Variants in RFX4 observed in about 807,000 individuals in gnomAD.
RFX4 encodes the protein transcription factor RFX4.
In RFX4, 10 loss-of-function variants were observed where a neutral mutation model predicts 95.0. The ratio of observed to expected loss-of-function variants is 0.11; its 90% CI spans 0.06 to 0.18. RFX4 has a LOEUF of 0.18. RFX4 is among the 10% of genes least tolerant of loss of function. The probability of loss-of-function intolerance (pLI) is 1.00; values close to 1 mark genes in which losing one functional copy is unlikely to be tolerated. For synonymous variants in RFX4, 321 were observed against 340.7 expected, an observed-to-expected ratio of 0.94 and a Z score of 0.64; for missense variants, 640 against 922.0, an observed-to-expected ratio of 0.69 and a Z score of 3.96.
chr12:106,642,017 A>ATCTATG, intron 3 of RFX4, among the ~76,000 whole-genome samples: 1 of 144,652 alleles, frequency 6.9e-6, no homozygotes. Context: ...CTATATCTAT[A>ATCTATG]TCTATTTTTT....
rs368972232 is a variant in RFX4, at chr12:106,592,512, T to C, written c.43+9149T>C. Among the ~76,000 whole-genome samples, 7 of 152,276 alleles carry C rather than the reference T, an allele frequency of 4.6e-5. No homozygotes were observed. The East Asian group carries it at 7.7e-4, about 17-fold the overall frequency. On this transcript the variant is annotated intron_variant, in intron 1 of 17. Transcript: ENST00000392842. ...ATCTGTGGTGTACTCAGAGACGACG[T>C]ATGTTGCACAACCCTGATCGAGGCC...
intron 3 of RFX4, among the ~76,000 whole-genome samples, chr12:106,641,951 C>CTA (rs1200996681): frequency 1.4e-5 from 2 of 144,674 alleles, no homozygotes; most frequent in Admixed American, 1.4e-4. Context: ...ATGTCTATAT[C>CTA]TATCTATATC....
chr12:106,657,311 C>G (rs2040979507), intron 4 of RFX4, among the ~76,000 whole-genome samples: 1 of 152,192 alleles, frequency 6.6e-6, no homozygotes, highest in Non-Finnish European at 1.5e-5. Flanking sequence ...GTAGTAGTCT[C>G]TACCCAGTTT....
At chr12:106,737,148 G>C (rs2042722759) in intron 15 of RFX4, among the ~76,000 whole-genome samples, 1 of 118,006 alleles carries the variant, frequency 8.5e-6, no homozygotes. Flanking sequence ...TTCCAGAATA[G>C]ACTCGGAACT....
At chr12:106,729,322 T>C (rs2042565300) in intron 13 of RFX4, among the ~76,000 whole-genome samples, 1 of 152,246 alleles carries the variant, frequency 6.6e-6, no homozygotes, top group African/African-American at 2.4e-5. Flanking sequence ...TTGACTTGTT[T>C]GACTCTATGA....
chr12:106,640,966 A>G (rs1006823955), intron 3 of RFX4, among the ~76,000 whole-genome samples: 3 of 151,946 alleles, frequency 2.0e-5, no homozygotes, highest in Non-Finnish European at 4.4e-5. Flanking sequence ...CTTTTTGTAG[A>G]GACAGGGTTT....
chr12:106,621,030 G>C (rs147198915), intron 2 of RFX4, among the ~76,000 whole-genome samples: 3 of 151,968 alleles, frequency 2.0e-5, no homozygotes, highest in Non-Finnish European at 2.9e-5. Flanking sequence ...AAAAATCACC[G>C]TTATTCTGTT....
At chr12:106,759,933 T>C (rs2043180176) in intron 17 of RFX4, among the ~76,000 whole-genome samples, 1 of 152,120 alleles carries the variant, frequency 6.6e-6, no homozygotes, top group Non-Finnish European at 1.5e-5. Context: ...CTAAGCGCCT[T>C]CCCCAGCTCC....
intron 1 of RFX4, among the ~76,000 whole-genome samples, chr12:106,583,903 G>T (rs2039412994): frequency 6.6e-6 from 1 of 152,226 alleles, no homozygotes; most frequent in Non-Finnish European, 1.5e-5. Context: ...TGGCGGCGGC[G>T]AACCCGGTGG....
At chr12:106,747,627 G>A in intron 16 of RFX4, 28 bp downstream of exon 16, 1 of 1,607,512 alleles carries the variant, frequency 6.2e-7, no homozygotes, top group South Asian at 1.1e-5. Context: ...GATGCTGCTG[G>A]ACTTTTAAAA....
intron 4 of RFX4, chr12:106,681,178 C>G (rs2041500738): frequency 6.6e-6 from 1 of 152,214 alleles, no homozygotes; most frequent in South Asian, 2.1e-4. Flanking sequence ...AAAAAAGATA[C>G]CCCTAGGCTT....
chr12:106,745,235 A>G (rs1457571571), intron 15 of RFX4, among the ~76,000 whole-genome samples: 1 of 152,054 alleles, frequency 6.6e-6, no homozygotes, highest in Non-Finnish European at 1.5e-5. Flanking sequence ...GGATTTAACC[A>G]TCAGTTTCCT....
intron 8 of RFX4, among the ~76,000 whole-genome samples, chr12:106,699,299 T>G (rs889332230): frequency 2.6e-5 from 4 of 152,186 alleles, no homozygotes; most frequent in African/African-American, 7.2e-5. Context: ...TTCTTTTAAG[T>G]TGATACTTGT....
At chr12:106,696,838 C>T (rs10778503) in intron 8 of RFX4, among the ~76,000 whole-genome samples, 55,767 of 152,002 alleles carry the variant, frequency 0.37, 10,419 homozygotes, top group African/African-American at 0.43. Context: ...ATACACTATA[C>T]CCTGTTCTGT....
At chr12:106,633,517 C>T (rs778308148) in intron 2 of RFX4, among the ~76,000 whole-genome samples, 8 of 152,192 alleles carry the variant, frequency 5.3e-5, no homozygotes, top group Admixed American at 3.3e-4. Context: ...TTTTTAAAAA[C>T]TGTATCTAGT....
At chr12:106,681,415 G>A (rs891337180) in intron 4 of RFX4, among the ~76,000 whole-genome samples, 19 of 152,202 alleles carry the variant, frequency 1.2e-4, no homozygotes, top group Admixed American at 5.2e-4. Context: ...AAGGCCTCTG[G>A]GCAGAAGGAC....
chr12:106,639,211 GT>G (rs1435047371), intron 2 of RFX4, 120 bp from the exon 3 acceptor site: 1 of 777,358 alleles, frequency 1.3e-6, no homozygotes, highest in African/African-American at 1.8e-5. Flanking sequence ...CCAAAATATT[GT>G]TTCAAAGCAT....
In RFX4 at chr12:106,601,334, C is replaced by T. The variant is rs752551451; in HGVS notation, c.44-7463C>T. 3.2e-5 allele frequency: 50 copies of T among 1,585,132 alleles called. 2 individuals are homozygous for T. The South Asian group carries it at 4.0e-4, about 13-fold the overall frequency. On this transcript the variant is annotated intron_variant, in intron 1 of 17. Transcript: ENST00000392842. Reference sequence around the variant, plus strand: ...AGGCGACAGGACCAGGCCTCGACGGCGCCGTTCCACTGGTAATGACCAGGG... The same window carrying T: ...AGGCGACAGGACCAGGCCTCGACGGTGCCGTTCCACTGGTAATGACCAGGG...
intron 10 of RFX4, chr12:106,714,907 G>A (rs2137511514): frequency 6.5e-6 from 1 of 152,702 alleles, no homozygotes; most frequent in East Asian, 1.9e-4. Flanking sequence ...AGCATAAACT[G>A]CTTCAGAATG....
Sources: allele counts gnomAD v4.1 joint callset (sites outside exome capture counted in the v4.1 genomes callset), GRCh38; gene constraint gnomAD v4.1.1; transcripts MANE v1.5; gene names NCBI Gene and HGNC (gene_info 2026-07-23, HGNC 2026-07-21).